Variants in ACAP2 observed in about 807,000 individuals in gnomAD.
ACAP2 encodes the protein ArfGAP with coiled-coil, ankyrin repeat and PH domains 2, also known as arf-GAP with coiled-coil, ANK repeat and PH domain-containing protein 2.
A neutral mutation model predicts 115.8 loss-of-function variants in ACAP2; 39 were observed. That is an observed-to-expected ratio of 0.34 (90% CI 0.26 to 0.44). The LOEUF is 0.44. Ranked by LOEUF, ACAP2 falls within the 20% of genes least tolerant of loss-of-function variation. ACAP2 has a pLI of 1.00. For missense variants in ACAP2, 662 were observed against 927.6 expected, an observed-to-expected ratio of 0.71 and a Z score of 3.72; for synonymous variants, 289 against 315.8, an observed-to-expected ratio of 0.92 and a Z score of 0.90.
In ACAP2 at chr3:195,292,334, A is replaced by G. The variant is rs1242023563; in HGVS notation, c.1884T>C (p.His628=). 1 of 1,613,984 alleles carries G rather than the reference A, an allele frequency of 6.2e-7. No homozygotes were observed. Residue 628 remains histidine, a synonymous_variant, in exon 19 of 23, where the codon CAT becomes CAC. Transcript: ENST00000326793. ...AATTGGCCCAGTTCACGTCTGCACC[A>G]TGAGCCAAAGCCTCAGCCATTTTAG... is the stretch of plus-strand genomic sequence containing the variant. The part of the protein sequence containing the change: ...NLPKMAEALA[H]GADVNWANSE...
chr3:195,425,026 C>CAAAAAAAAAAAAAAAA (rs10690317), intron 1 of ACAP2, among the ~76,000 whole-genome samples: 2 of 26,654 alleles, frequency 7.5e-5, no homozygotes, highest in Non-Finnish European at 1.5e-4. Context: ...GACTCCGTCT[C>CAAAAAAAAAAAAAAAA]AAAAAAAAAA....
intron 1 of ACAP2, among the ~76,000 whole-genome samples, chr3:195,395,347 T>G (rs1034440486): frequency 6.6e-6 from 1 of 151,732 alleles, no homozygotes; most frequent in Non-Finnish European, 1.5e-5. Flanking sequence ...ATAAGGGAGA[T>G]AGATGTTAAG....
intron 1 of ACAP2, among the ~76,000 whole-genome samples, chr3:195,439,804 T>G (rs1715867562): frequency 6.6e-6 from 1 of 151,950 alleles, no homozygotes; most frequent in African/African-American, 2.4e-5. Flanking sequence ...TTTTTGTATT[T>G]TTAGTAGAGA....
At chr3:195,347,065 G>A (rs1156607152) in intron 4 of ACAP2, among the ~76,000 whole-genome samples, 1 of 151,844 alleles carries the variant, frequency 6.6e-6, no homozygotes, top group Non-Finnish European at 1.5e-5. Context: ...GTATGCATCT[G>A]TCAAAACCCA....
intron 1 of ACAP2, among the ~76,000 whole-genome samples, chr3:195,411,597 T>C (rs186591760): frequency 2.0e-5 from 3 of 152,234 alleles, no homozygotes; most frequent in Admixed American, 6.5e-5. Context: ...AAGGCACACA[T>C]TTTATTTAGC....
chr3:195,412,889 G>T (rs927503996), intron 1 of ACAP2: 3 of 456,298 alleles, frequency 6.6e-6, no homozygotes, highest in South Asian at 1.5e-5. Flanking sequence ...ACAGCAAGCG[G>T]TAAAACAAGC....
intron 1 of ACAP2, 29 bp from the exon 2 acceptor site, chr3:195,392,176 T>C (rs768935785): frequency 1.3e-6 from 2 of 1,559,024 alleles, no homozygotes; most frequent in Non-Finnish European, 1.8e-6. Context: ...AAATAAGTTA[T>C]TTCGTTTGTT....
At chr3:195,439,989 A>G (rs146371925) in intron 1 of ACAP2, among the ~76,000 whole-genome samples, 1,960 of 152,186 alleles carry the variant, frequency 0.013, 32 homozygotes, top group African/African-American at 0.043. Flanking sequence ...AATTTTAAAG[A>G]CCTACTACAT....
At chr3:195,393,416 T>C (rs1711510279) in intron 1 of ACAP2, among the ~76,000 whole-genome samples, 1 of 152,232 alleles carries the variant, frequency 6.6e-6, no homozygotes, top group Admixed American at 6.5e-5. Flanking sequence ...GTAACATTTA[T>C]TTTTAAGAAG....
chr3:195,404,346 T>A (rs1712560597), intron 1 of ACAP2, among the ~76,000 whole-genome samples: 1 of 152,166 alleles, frequency 6.6e-6, no homozygotes, highest in South Asian at 2.1e-4. Context: ...ATTTTAGAAA[T>A]GTTGAAAAAC....
chr3:195,337,733 C>CTGT (rs1405059390), intron 6 of ACAP2, among the ~76,000 whole-genome samples: 1 of 152,234 alleles, frequency 6.6e-6, no homozygotes, highest in Non-Finnish European at 1.5e-5. Context: ...AGGCGTGAGC[C>CTGT]ACTGCGCCAG....
At chr3:195,331,540 T>C (rs1357968328) in intron 8 of ACAP2, among the ~76,000 whole-genome samples, 1 of 151,724 alleles carries the variant, frequency 6.6e-6, no homozygotes, top group African/African-American at 2.4e-5. Context: ...CTCAAACTCC[T>C]GGCCTCATGT....
intron 6 of ACAP2, among the ~76,000 whole-genome samples, chr3:195,340,799 A>C (rs530611019): frequency 6.6e-6 from 1 of 152,206 alleles, no homozygotes; most frequent in Non-Finnish European, 1.5e-5. Context: ...TACAGCAGAA[A>C]ATGGTATAAT....
intron 2 of ACAP2, among the ~76,000 whole-genome samples, chr3:195,382,664 A>AG (rs1340449842): frequency 1.3e-5 from 2 of 152,230 alleles, no homozygotes; most frequent in African/African-American, 4.8e-5. Flanking sequence ...GGGGATGCAA[A>AG]GGGGGGTCAC....
chr3:195,315,118 C>A (rs996992640), intron 10 of ACAP2, among the ~76,000 whole-genome samples: 4 of 152,232 alleles, frequency 2.6e-5, no homozygotes, highest in South Asian at 2.1e-4. Flanking sequence ...TGGTCTCAAG[C>A]GGTCTTCCCG....
chr3:195,438,093 T>G (rs575161558), intron 1 of ACAP2, among the ~76,000 whole-genome samples: 1 of 149,352 alleles, frequency 6.7e-6, no homozygotes, highest in African/African-American at 2.5e-5. Context: ...TGGCGCAATC[T>G]CAGCTCACTG....
At chr3:195,295,582 A>T in intron 17 of ACAP2, 126 bp downstream of exon 17, 1 of 994,912 alleles carries the variant, frequency 1.0e-6, no homozygotes, top group Non-Finnish European at 1.5e-6. Context: ...AGTTTTTCTT[A>T]GAATATGTAG....
chr3:195,351,441 C>CGTGTGTGT lies in ACAP2; in HGVS notation c.286-6132_286-6125dup, dbSNP rs56049053. ...CAATAAATCCATATTTTTTCTTTTT[C>CGTGTGTGT]GTGTGTGTGTGTGTGTGTGTGTGTG... On this transcript the variant is annotated intron_variant, in intron 4 of 22. Coordinates refer to ENST00000326793, the MANE Select transcript of ACAP2 (RefSeq NM_012287.6). Among the ~76,000 whole-genome samples, 274 of 130,042 alleles carry CGTGTGTGT rather than the reference C, an allele frequency of 2.1e-3. 1 individual carries two copies. The highest frequency in any genetic ancestry group is 7.2e-3 in the African/African-American group (243 of 33,882). 85.3% of individuals were successfully genotyped at this position (130,042 alleles called of 152,430 possible). A position where few individuals can be genotyped will look rare whatever the true frequency, so the allele number is the denominator to read the frequency against.
intron 1 of ACAP2, among the ~76,000 whole-genome samples, chr3:195,416,326 C>T (rs1413380374): frequency 6.8e-6 from 1 of 147,918 alleles, no homozygotes; most frequent in African/African-American, 2.5e-5. Flanking sequence ...GGCCTGGTGA[C>T]AGAGCAAGAC....
Sources: gnomAD v4.1 joint callset for allele counts (sites outside exome capture counted in the v4.1 genomes callset) on GRCh38, gnomAD v4.1.1 for gene constraint, MANE v1.5 for transcripts, NCBI Gene and HGNC (gene_info 2026-07-23, HGNC 2026-07-21) for gene names.